The following MMRN2 variants were observed in gnomAD, a reference collection of about 807,000 sequenced individuals.
MMRN2 encodes the protein multimerin-2.
Under a neutral mutation model 68.8 loss-of-function variants are expected in MMRN2, and 53 were observed. The ratio of observed to expected loss-of-function variants is 0.77; its 90% CI spans 0.62 to 0.97. The LOEUF is 0.97. Ranked by LOEUF, MMRN2 falls within the 50% of genes least tolerant of loss-of-function variation. The pLI, the probability that MMRN2 is intolerant of heterozygous loss-of-function variation, is 0.00. For synonymous variants in MMRN2, 564 were observed against 551.6 expected, an observed-to-expected ratio of 1.02 and a Z score of -0.32; for missense variants, 1,266 against 1,259.5, an observed-to-expected ratio of 1.01 and a Z score of -0.08.
Position 86,935,559 on chromosome 10 carries a change from T to C in MMRN2, c.*1184A>G, listed in dbSNP as rs542777511. Reference sequence around the variant, plus strand: ...CAGAGATTTGAAGGGCATCACTTTATTCCAAAGTTGATCATTAGTGAGGGG... The same window carrying C: ...CAGAGATTTGAAGGGCATCACTTTACTCCAAAGTTGATCATTAGTGAGGGG... On this transcript the variant is annotated 3_prime_UTR_variant, in exon 7 of 7. Transcript: ENST00000372027. 1.6e-4 allele frequency: 25 copies of C among 152,350 alleles called. No individual in the cohort carries two copies. The highest frequency in any genetic ancestry group is 5.8e-4 in the African/African-American group (24 of 41,594). 9.4% of individuals were successfully genotyped at this position (152,350 alleles called of 1,614,324 possible).
intron 1 of MMRN2, among the ~76,000 whole-genome samples, chr10:86,956,523 G>T (rs1035964974): frequency 6.6e-6 from 1 of 152,244 alleles, no homozygotes; most frequent in Non-Finnish European, 1.5e-5. Flanking sequence ...AGGAGCATCT[G>T]GGGGCTGGGG....
chr10:86,952,032 C>A (rs575255052), intron 1 of MMRN2, among the ~76,000 whole-genome samples: 1 of 152,202 alleles, frequency 6.6e-6, no homozygotes. Context: ...TGGGTCTGCC[C>A]TGTCTCAAAA....
intron 1 of MMRN2, among the ~76,000 whole-genome samples, chr10:86,948,393 A>G (rs1844099732): frequency 6.6e-6 from 1 of 152,128 alleles, no homozygotes. Flanking sequence ...GAAGCTATGA[A>G]AAAAACAAAT....
chr10:86,938,356 G>A (rs991101802), intron 6 of MMRN2, among the ~76,000 whole-genome samples: 1 of 152,204 alleles, frequency 6.6e-6, no homozygotes, highest in African/African-American at 2.4e-5. Context: ...TAGACTTCTG[G>A]TTCTCTGCAG....
chr10:86,945,750 G>C, intron 1 of MMRN2, 61 bp from the exon 2 acceptor site: 1 of 1,609,916 alleles, frequency 6.2e-7, no homozygotes, highest in African/African-American at 1.3e-5. Context: ...GGGGGTGCCA[G>C]TGCAGAGCCA....
intron 1 of MMRN2, among the ~76,000 whole-genome samples, chr10:86,950,813 C>G (rs1844135639): frequency 6.6e-6 from 1 of 152,102 alleles, no homozygotes; most frequent in Non-Finnish European, 1.5e-5. Context: ...TAAATTTTTA[C>G]TACAGGGAAA....
rs765224698 is a variant in MMRN2, at chr10:86,944,090, G to C, written c.694C>G (p.His232Asp). Residue 232 changes from histidine to aspartate, a missense_variant, in exon 6 of 7, where the codon CAC becomes GAC. Coordinates refer to ENST00000372027, the MANE Select transcript of MMRN2 (RefSeq NM_024756.3). ...DRSLEQVLLP[H>D]VDTFLQVHFS... Reference sequence around the variant, plus strand: ...TGCACTTGTAGGAAGGTGTCCACGTGGGGTAGCAGCACCTGCTCCAAGGAT... The same window carrying C: ...TGCACTTGTAGGAAGGTGTCCACGTCGGGTAGCAGCACCTGCTCCAAGGAT... 4 of 1,614,068 alleles carry C rather than the reference G, an allele frequency of 2.5e-6. No individual in the cohort carries two copies. The South Asian group carries it at 3.3e-5, about 13-fold the overall frequency.
intron 1 of MMRN2, among the ~76,000 whole-genome samples, chr10:86,952,962 A>G (rs1412724290): frequency 6.6e-6 from 1 of 152,114 alleles, no homozygotes; most frequent in Non-Finnish European, 1.5e-5. Flanking sequence ...TAGGGTCTTA[A>G]TATTATATTC....
intron 4 of MMRN2, 38 bp downstream of exon 4, chr10:86,945,150 C>T: frequency 1.9e-6 from 3 of 1,595,224 alleles, no homozygotes; most frequent in Non-Finnish European, 2.6e-6. Context: ...ATGGGCCCCA[C>T]CAGCCTGCCT....
At position 86,944,003 on chromosome 10, in the gene MMRN2, T is replaced by C. The variant is rs1420278294; in HGVS notation, c.781A>G (p.Asn261Asp). ...SLHSLTQAIR[N>D]LSLDVEANRQ... ...TTGGCCTCCACGTCAAGAGACAGGT[T>C]TCTTATGGCCTGGGTAAGGCTGTGC... The change falls in exon 6 of 7, where the codon AAC (asparagine) becomes GAC (aspartate). Residue 261 changes from asparagine (N) to aspartate (D), a missense_variant. By Grantham distance (23) the Asn-to-Asp change is conservative (BLOSUM62 1). Transcript: ENST00000372027. The C allele has an allele frequency of 3.1e-6, 5 of 1,614,090 alleles. No homozygotes were observed. Among genetic ancestry groups the C allele is most frequent in the Non-Finnish European group, 3.4e-6 (4 of 1,180,030 alleles).
chr10:86,943,226 C>T lies in MMRN2; in HGVS notation c.1558G>A (p.Val520Met), dbSNP rs774103474. 12 of 1,610,758 alleles carry T rather than the reference C, an allele frequency of 7.4e-6. No homozygotes were observed. The highest frequency in any genetic ancestry group is 6.7e-5 in the African/African-American group (5 of 74,900). ...AGCTGCCGCCGCTCGTCCAGGCTCA[C>T]CTGGGTCTCCTCCAGGGCACGCGTG... ...DATRALEETQ[V>M]SLDERRQLDG... is the part of the protein sequence containing the mutation. The change falls in exon 6 of 7, where the codon GTG (valine) becomes ATG (methionine). Residue 520 changes from valine (V) to methionine (M), a missense_variant. Transcript: ENST00000372027. This position sits in a 1 kb window ranked among gnomAD's most constrained non-coding sequence, Gnocchi z 4.2.
In MMRN2 at chr10:86,942,885, G is replaced by T. The variant is rs1843996753; in HGVS notation, c.1899C>A (p.Ser633Arg). 2 of 1,447,290 alleles carry T rather than the reference G, an allele frequency of 1.4e-6. No individual in the cohort carries two copies. The highest frequency in any genetic ancestry group is 1.5e-5 in the African/African-American group (1 of 67,476). 89.7% of individuals were successfully genotyped at this position (1,447,290 alleles called of 1,614,324 possible). A position where few individuals can be genotyped will look rare whatever the true frequency, so the allele number is the denominator to read the frequency against. ...GCAGGGCCACGCGGATCTGCTCGTA[G>T]CTCAGGGGCAGCGGTCCCGGCGTCT... ...SEQTPGPLPL[S>R]YEQIRVALQD... Residue 633 changes from serine (S) to arginine (R), a missense_variant, in exon 6 of 7, where the codon AGC becomes AGA. Ser to Arg is a moderately radical substitution (Grantham distance 110, BLOSUM62 -1). Transcript: ENST00000372027.
Position 86,936,707 on chromosome 10 carries a change from C to T in MMRN2, c.*36G>A, listed in dbSNP as rs752277810. ...GAGCCCCAGGCCGAGGAGAGCTGGG[C>T]GAGTCCATGATGTCTGATCAGATTG... On this transcript the variant is annotated 3_prime_UTR_variant, in exon 7 of 7. Transcript: ENST00000372027. The T allele has an allele frequency of 1.3e-5, 21 of 1,601,812 alleles. No individual in the cohort carries two copies. Among genetic ancestry groups the T allele is most frequent in the African/African-American group, 9.4e-5 (7 of 74,694 alleles).
In MMRN2 at chr10:86,943,389, C is replaced by T; in HGVS notation, c.1395G>A (p.Glu465=). The T allele has an allele frequency of 6.2e-7, 1 of 1,614,098 alleles. No individual in the cohort carries two copies. Among genetic ancestry groups the T allele is most frequent in the Admixed American group, 1.7e-5 (1 of 60,024 alleles). Residue 465 remains glutamate (E), a synonymous_variant, in exon 6 of 7, where the codon GAG becomes GAA. Coordinates refer to ENST00000372027, the MANE Select transcript of MMRN2 (RefSeq NM_024756.3). This position sits in a 1 kb window ranked among gnomAD's most constrained non-coding sequence, Gnocchi z 4.2. ...LIMEENKEEV[E]RQLLELNLTL... The stretch of plus-strand genomic sequence containing the variant: ...TGAGGTTGAGCTCCAGGAGCTGCCG[C>T]TCCACCTCCTCCTTGTTCTCCTCCA...
Position 86,936,653 on chromosome 10 carries a change from CTGAA to C in MMRN2, c.*86_*89del, listed in dbSNP as rs1332534213. 3 of 1,498,812 alleles carry C rather than the reference CTGAA, an allele frequency of 2.0e-6. No individual in the cohort carries two copies. The highest frequency in any genetic ancestry group is 2.8e-5 in the African/African-American group (2 of 72,120). The allele number at this position is 1,498,812 out of a possible 1,614,324, so 92.8% of individuals were successfully genotyped here. A position where few individuals can be genotyped will look rare whatever the true frequency, so the allele number is the denominator to read the frequency against. On this transcript the variant is annotated 3_prime_UTR_variant, in exon 7 of 7. Transcript: ENST00000372027. ...GGTTTCCAGGGAAGAGACAGACCAA[CTGAA>C]TGACCTCCAGCCCATCCTTGGCCAG...
chr10:86,943,653 C>T lies in MMRN2; in HGVS notation c.1131G>A (p.Gln377=), dbSNP rs1449123423. 44 of 1,612,842 alleles carry T rather than the reference C, an allele frequency of 2.7e-5. No homozygotes were observed. The highest frequency in any genetic ancestry group is 3.6e-5 in the Non-Finnish European group (43 of 1,179,966). Residue 377 remains glutamine, a synonymous_variant, in exon 6 of 7, where the codon CAG becomes CAA. Coordinates refer to ENST00000372027, the MANE Select transcript of MMRN2 (RefSeq NM_024756.3). This position sits in a 1 kb window ranked among gnomAD's most constrained non-coding sequence, Gnocchi z 4.2. ...TCATGTGCAGCTCTGAGAGGTTCCT[C>T]TGCAGCTGGCCCAGCCTGGCCTGCA... ...DSLQARLGQL[Q]RNLSELHMTT...
Position 86,937,739 on chromosome 10 carries a change from A to G in MMRN2, c.2468-614T>C, listed in dbSNP as rs184679183. On this transcript the variant is annotated intron_variant, in intron 6 of 6. Transcript: ENST00000372027. ...ACAGGAACACGGGTCTCTGACTCCC[A>G]GACGACCACCACTTGCTAGGAATCT... Among the ~76,000 whole-genome samples, 306 of 152,356 alleles carry G rather than the reference A, an allele frequency of 2.0e-3. 3 individuals carry two copies. The highest frequency in any genetic ancestry group is 7.0e-3 in the African/African-American group (291 of 41,584).
chr10:86,951,864 A>T (rs903969558), intron 1 of MMRN2, among the ~76,000 whole-genome samples: 6 of 152,152 alleles, frequency 3.9e-5, no homozygotes, highest in Non-Finnish European at 4.4e-5. Context: ...ACTGGGCAAC[A>T]TGGCACAACC....
At chr10:86,955,311 C>A (rs1844205953) in intron 1 of MMRN2, among the ~76,000 whole-genome samples, 1 of 152,204 alleles carries the variant, frequency 6.6e-6, no homozygotes, top group African/African-American at 2.4e-5. Context: ...ACAGCCTCTT[C>A]CTCCCGGAGT....
Sources: allele counts gnomAD v4.1 joint callset (sites outside exome capture counted in the v4.1 genomes callset), GRCh38; gene constraint gnomAD v4.1.1; non-coding constraint Gnocchi (gnomAD v3.1); transcripts MANE v1.5; gene names NCBI Gene and HGNC (gene_info 2026-07-23, HGNC 2026-07-21).